CADPS: variants seen among roughly 807,000 people sequenced by gnomAD.
CADPS encodes the protein calcium dependent secretion activator.
CADPS carries 57 observed loss-of-function variants against 167.3 expected under a neutral mutation model. The ratio of observed to expected loss-of-function variants is 0.34; its 90% confidence interval spans 0.28 to 0.42. CADPS has a LOEUF of 0.42. Ranked by LOEUF, CADPS falls within the 20% of genes least tolerant of loss-of-function variation. The probability of loss-of-function intolerance (pLI) is 1.00; values close to 1 mark genes in which losing one functional copy is unlikely to be tolerated. For synonymous variants in CADPS, 676 were observed against 635.3 expected (o/e 1.06, Z -0.96); for missense variants, 1,414 against 1,738.1 (o/e 0.81, Z 3.32).
At position 62,660,543 on chromosome 3, in the gene CADPS, G is replaced by T. The variant is rs2072940322; in HGVS notation, c.969+1771C>A. The stretch of plus-strand genomic sequence containing the variant: ...AGATGCAAAACATTTCAGTAAAACT[G>T]CTTAAGCACAGGGGGATTTTGATGC... On this transcript the variant is annotated intron_variant, in intron 4 of 29. Coordinates refer to ENST00000383710, the MANE Select transcript of CADPS (RefSeq NM_003716.4). 5.3e-5 allele frequency among the ~76,000 whole-genome samples: 8 copies of T among 152,274 alleles called. No individual in the cohort carries two copies. In the South Asian group the frequency reaches 1.7e-3, roughly 32 times the overall value.
intron 3 of CADPS, among the ~76,000 whole-genome samples, chr3:62,686,719 G>C (rs1309036731): frequency 6.6e-6 from 1 of 151,988 alleles, no homozygotes; most frequent in Non-Finnish European, 1.5e-5. Context: ...TACCTTGTCT[G>C]TCTTGTATTG....
At chr3:62,817,473 A>C (rs924266194) in intron 1 of CADPS, among the ~76,000 whole-genome samples, 1 of 152,164 alleles carries the variant, frequency 6.6e-6, no homozygotes, top group African/African-American at 2.4e-5. Flanking sequence ...AAAAGGAAAA[A>C]ATCTACTGCA....
intron 17 of CADPS, among the ~76,000 whole-genome samples, chr3:62,508,407 T>G (rs1319351474): frequency 6.6e-6 from 1 of 152,198 alleles, no homozygotes; most frequent in Non-Finnish European, 1.5e-5. Flanking sequence ...AGTGTAGAAG[T>G]TGAAAATGGG....
intron 27 of CADPS, among the ~76,000 whole-genome samples, chr3:62,443,059 TA>T (rs1226524471): frequency 1.3e-5 from 2 of 152,184 alleles, no homozygotes; most frequent in African/African-American, 4.8e-5. Context: ...TAATAGCTGG[TA>T]AAAAAATACT....
intron 22 of CADPS, among the ~76,000 whole-genome samples, chr3:62,479,887 A>G (rs184426831): frequency 1.3e-5 from 2 of 152,142 alleles, no homozygotes; most frequent in African/African-American, 4.8e-5. Flanking sequence ...CCCTGCCCCA[A>G]CCTATGCTTG....
At chr3:62,629,759 T>A (rs1004572457) in intron 6 of CADPS, among the ~76,000 whole-genome samples, 3 of 149,662 alleles carry the variant, frequency 2.0e-5, no homozygotes, top group Admixed American at 6.7e-5. Context: ...CTGGTACAGT[T>A]TTTTTTTTGT....
intron 4 of CADPS, among the ~76,000 whole-genome samples, chr3:62,654,590 A>T (rs537237885): frequency 1.3e-5 from 2 of 152,138 alleles, no homozygotes; most frequent in Non-Finnish European, 2.9e-5. Flanking sequence ...GCCTCTCTGG[A>T]GAGTGAAGGG....
rs1256356486 is a variant in CADPS at position 62,516,208 on chromosome 3, T to C, written c.2458-26A>G. The stretch of plus-strand genomic sequence containing the variant: ...CTTCAAGTAGGAAAAAGAGGGATTA[T>C]TAAGAAGGTTCAAGCAAATGTGTCA... On this transcript the variant is annotated intron_variant, in intron 15 of 29. Transcript: ENST00000383710. The C allele has an allele frequency of 1.9e-6, 3 of 1,612,298 alleles. No individual in the cohort carries two copies. The South Asian group carries it at 3.3e-5, about 18-fold the overall frequency.
chr3:62,568,199 A>G (rs921898696), intron 9 of CADPS, among the ~76,000 whole-genome samples: 18 of 152,174 alleles, frequency 1.2e-4, no homozygotes, highest in Non-Finnish European at 2.6e-4. Flanking sequence ...AGGACTTGTG[A>G]TGGTTAATAT....
chr3:62,570,923 G>T lies in CADPS; in HGVS notation c.1593C>A (p.Ile531=). The T allele has an allele frequency of 6.2e-7, 1 of 1,608,524 alleles. No homozygotes were observed. Among genetic ancestry groups the T allele is most frequent in the Non-Finnish European group, 8.5e-7 (1 of 1,174,956 alleles). ...TCCATCTCTTCCAGACATTCTTACCGATGGCCCATAAATACCTAAGGGAAA... is the reference window on the plus strand; with the variant it reads ...TCCATCTCTTCCAGACATTCTTACCTATGGCCCATAAATACCTAAGGGAAA... ...NMKHSGYLWA[I]GKNVWKRWKK... The change falls in exon 9 of 30, where the codon ATC becomes ATA. Residue 531 remains isoleucine, a synonymous_variant. Coordinates refer to ENST00000383710, the MANE Select transcript of CADPS (RefSeq NM_003716.4).
At chr3:62,706,859 C>T (rs770604341) in intron 3 of CADPS, among the ~76,000 whole-genome samples, 4 of 151,982 alleles carry the variant, frequency 2.6e-5, no homozygotes, top group South Asian at 2.1e-4. Flanking sequence ...AGGGTGGAAG[C>T]GGGGTGAGGG....
intron 3 of CADPS, among the ~76,000 whole-genome samples, chr3:62,719,933 T>A (rs2075417020): frequency 6.6e-6 from 1 of 152,184 alleles, no homozygotes; most frequent in South Asian, 2.1e-4. Flanking sequence ...TATTTTCTGG[T>A]GAAAGACCCT....
At position 62,446,884 on chromosome 3, in the gene CADPS, T is replaced by C. The variant is rs1286360226; in HGVS notation, c.3637-1087A>G. Among the ~76,000 whole-genome samples the C allele has an allele frequency of 6.6e-6, 1 of 152,178 alleles. No homozygotes were observed. The highest frequency in any genetic ancestry group is 1.5e-5 in the Non-Finnish European group (1 of 68,024). ...TTACTGGGAACTACAAAGACTGCAA[T>C]GCACAAAAAGCAGTTAGGATGTCTT... On this transcript the variant is annotated intron_variant, in intron 26 of 29. Transcript: ENST00000383710. This position sits in a 1 kb window ranked among gnomAD's most constrained non-coding sequence, Gnocchi z 4.9.
At chr3:62,485,833 T>C (rs1313387230) in intron 21 of CADPS, among the ~76,000 whole-genome samples, 1 of 152,186 alleles carries the variant, frequency 6.6e-6, no homozygotes, top group East Asian at 1.9e-4. Flanking sequence ...ATGTTAGCAT[T>C]GGAAAAGCTT....
At chr3:62,827,594 T>C (rs1399433445) in intron 1 of CADPS, among the ~76,000 whole-genome samples, 1 of 151,458 alleles carries the variant, frequency 6.6e-6, no homozygotes, top group African/African-American at 2.4e-5. Flanking sequence ...CTGCAGATTT[T>C]CCAAGCCTAG....
chr3:62,820,122 A>G (rs923097726), intron 1 of CADPS, among the ~76,000 whole-genome samples: 7 of 152,296 alleles, frequency 4.6e-5, no homozygotes, highest in South Asian at 4.1e-4. Context: ...GTGAGTTTTC[A>G]TAAAAGCCCA....
Position 62,874,896 on chromosome 3 carries a change from C to T in CADPS, c.134G>A (p.Ser45Asn). Reference sequence around the variant, plus strand: ...GGCGCCGCCGCCCCCCAGCCCGGCGCTGCCGGCCGAGCCCTCGCTGGTACG... The same window carrying T: ...GGCGCCGCCGCCCCCCAGCCCGGCGTTGCCGGCCGAGCCCTCGCTGGTACG... Reference protein sequence around the residue: ...PSRTSEGSAGSAGLGGGGAGA... With the variant: ...PSRTSEGSAGNAGLGGGGAGA... Residue 45 changes from serine (S) to asparagine (N), a missense_variant, in exon 1 of 30, where the codon AGC becomes AAC. Ser to Asn is a conservative substitution (Grantham distance 46). Transcript: ENST00000383710. This position sits in a 1 kb window ranked among gnomAD's most constrained non-coding sequence, Gnocchi z 7.1. 1 of 1,347,284 alleles carries T rather than the reference C, an allele frequency of 7.4e-7. No individual in the cohort carries two copies. The highest frequency in any genetic ancestry group is 9.6e-7 in the Non-Finnish European group (1 of 1,042,498). The allele number at this position is 1,347,284 out of a possible 1,614,324, so 83.5% of individuals were successfully genotyped here. A position where few individuals can be genotyped will look rare whatever the true frequency, so the allele number is the denominator to read the frequency against.
chr3:62,689,197 G>A (rs1161921001), intron 3 of CADPS, among the ~76,000 whole-genome samples: 1 of 151,714 alleles, frequency 6.6e-6, no homozygotes, highest in Non-Finnish European at 1.5e-5. Context: ...AGGCAGAACA[G>A]CACAATTAAT....
At chr3:62,462,668 G>A (rs1428594411) in intron 26 of CADPS, among the ~76,000 whole-genome samples, 2 of 152,180 alleles carry the variant, frequency 1.3e-5, no homozygotes, top group African/African-American at 2.4e-5. Flanking sequence ...CAGAGCGTCG[G>A]CACTATCTCT....
Sources: allele counts gnomAD v4.1 joint callset (sites outside exome capture counted in the v4.1 genomes callset), GRCh38; gene constraint gnomAD v4.1.1; non-coding constraint Gnocchi (gnomAD v3.1); transcripts MANE v1.5; gene names NCBI Gene and HGNC (gene_info 2026-07-23, HGNC 2026-07-21).